Variants in PPARGC1B observed in about 807,000 individuals in gnomAD.
The protein encoded by PPARGC1B is peroxisome proliferator-activated receptor gamma coactivator 1-beta.
A neutral mutation model predicts 101.6 loss-of-function variants in PPARGC1B; 34 were observed. The observed-to-expected ratio is 0.33, with a 90% CI of 0.25 to 0.45. The LOEUF is 0.45. Among genes scored for constraint, PPARGC1B ranks in the 20% least tolerant of loss-of-function variants. The pLI is 1.00. For missense variants in PPARGC1B, 1,234 were observed against 1,317.6 expected (o/e 0.94, Z 0.98); for synonymous variants, 548 against 539.3 (o/e 1.02, Z -0.22).
intron 10 of PPARGC1B, among the ~76,000 whole-genome samples, 186 bp downstream of exon 10, chr5:149,842,563 C>A (rs1389871591): frequency 6.6e-6 from 1 of 152,244 alleles, no homozygotes; most frequent in African/African-American, 2.4e-5. Flanking sequence ...TAGCAGCAAA[C>A]ACGTGCTGAT....
intron 1 of PPARGC1B, among the ~76,000 whole-genome samples, chr5:149,741,784 T>G (rs375638433): frequency 6.6e-6 from 1 of 152,156 alleles, no homozygotes; most frequent in East Asian, 1.9e-4. Context: ...TCTGCCACCA[T>G]GCCTGGCTAA....
At chr5:149,752,416 G>T (rs1449741297) in intron 1 of PPARGC1B, among the ~76,000 whole-genome samples, 1 of 152,222 alleles carries the variant, frequency 6.6e-6, no homozygotes, top group Non-Finnish European at 1.5e-5. Context: ...GGAAGACCCA[G>T]CTGCCTGGCA....
At position 149,837,015 on chromosome 5, in the gene PPARGC1B, T is replaced by A; in HGVS notation, c.2560T>A (p.Ser854Thr). 6.2e-7 allele frequency: 1 copy of A among 1,613,816 alleles called. No individual in the cohort carries two copies. Among genetic ancestry groups the A allele is most frequent in the Non-Finnish European group, 8.5e-7 (1 of 1,180,032 alleles). ...ANRQLCSRSR[S>T]SSGSSPCHSW... ...CCGGCAGCTCTGTTCCCGCAGCCGC[T>A]CAAGCTCTGGCTCTTCACCCTGCCA... Residue 854 changes from serine (S) to threonine (T), a missense_variant, in exon 8 of 12, where the codon TCA (serine) becomes ACA (threonine). By Grantham distance (58) the Ser-to-Thr change is moderately conservative. Around this residue, in one of 3 missense-constraint regions of PPARGC1B, gnomAD observed 497 missense variants for 529.5 expected, o/e 0.94. Transcript: ENST00000309241. This position sits in a 1 kb window ranked among gnomAD's most constrained non-coding sequence, Gnocchi z 4.2.
At chr5:149,788,821 C>G (rs1444901494) in intron 1 of PPARGC1B, among the ~76,000 whole-genome samples, 1 of 152,122 alleles carries the variant, frequency 6.6e-6, no homozygotes, top group Non-Finnish European at 1.5e-5. Flanking sequence ...CAAACTATCG[C>G]AAGGACAGAA....
In PPARGC1B at chr5:149,851,828, G is replaced by C. The variant is rs753648064; in HGVS notation, c.*4270G>C. 1 of 152,240 alleles carries C rather than the reference G, an allele frequency of 6.6e-6. No individual in the cohort carries two copies. The highest frequency in any genetic ancestry group is 2.4e-5 in the African/African-American group (1 of 41,448). 9.4% of individuals were successfully genotyped at this position (152,240 alleles called of 1,614,324 possible). A position where few individuals can be genotyped will look rare whatever the true frequency, so the allele number is the denominator to read the frequency against. ...TTGGCCCAGAACCACCATGGGATGG[G>C]GGAGGCCCTGAGCCGGCTACAAGAC... On this transcript the variant is annotated 3_prime_UTR_variant, in exon 12 of 12. Coordinates refer to ENST00000309241, the MANE Select transcript of PPARGC1B (RefSeq NM_133263.4).
At position 149,850,535 on chromosome 5, in the gene PPARGC1B, C is replaced by T. The variant is rs1343693628; in HGVS notation, c.*2977C>T. The T allele has an allele frequency of 6.6e-6, 1 of 152,186 alleles. No individual in the cohort carries two copies. Among genetic ancestry groups the T allele is most frequent in the Non-Finnish European group, 1.5e-5 (1 of 68,044 alleles). The allele number at this position is 152,186 out of a possible 1,614,324, so 9.4% of individuals were successfully genotyped here. On this transcript the variant is annotated 3_prime_UTR_variant, in exon 12 of 12. Transcript: ENST00000309241. ...CCGACCCTGCAGACAACCTCTATCC[C>T]GAAGGACTCATTCGGTGCTGTGTAT...
chr5:149,843,460 A>G (rs764067308), intron 10 of PPARGC1B, among the ~76,000 whole-genome samples: 10 of 152,228 alleles, frequency 6.6e-5, no homozygotes, highest in African/African-American at 9.6e-5. Flanking sequence ...CTTCTTGCCC[A>G]TTAGGATGGC....
intron 1 of PPARGC1B, among the ~76,000 whole-genome samples, chr5:149,768,997 TATG>T (rs1306318424): frequency 1.3e-5 from 2 of 152,190 alleles, no homozygotes; most frequent in Non-Finnish European, 2.9e-5. Context: ...ATTGATGTAT[TATG>T]ATCTCTGTGC....
In PPARGC1B at chr5:149,833,441, A is replaced by G. The variant is rs201458701; in HGVS notation, c.1368A>G (p.Pro456=). Residue 456 remains proline (P), a synonymous_variant, in exon 5 of 12, where the codon CCA becomes CCG. Coordinates refer to ENST00000309241, the MANE Select transcript of PPARGC1B (RefSeq NM_133263.4). This position sits in a 1 kb window ranked among gnomAD's most constrained non-coding sequence, Gnocchi z 4.1. ...EEEEEWGRKR[P]GRGLPWTKLG... is the part of the protein sequence containing the mutation. ...AGGAGGAGTGGGGCAGGAAAAGGCCAGGCCGAGGCCTGCCATGGACGAAGC... is the reference window on the plus strand; with the variant it reads ...AGGAGGAGTGGGGCAGGAAAAGGCCGGGCCGAGGCCTGCCATGGACGAAGC... 1 of 1,578,892 alleles carries G rather than the reference A, an allele frequency of 6.3e-7. No individual in the cohort carries two copies. The highest frequency in any genetic ancestry group is 2.3e-5 in the East Asian group (1 of 42,600).
At chr5:149,826,144 G>A (rs1036164185) in intron 2 of PPARGC1B, among the ~76,000 whole-genome samples, 8 of 152,180 alleles carry the variant, frequency 5.3e-5, no homozygotes, top group Non-Finnish European at 8.8e-5. Context: ...TACCTCCTCA[G>A]GAGTGAATGA....
rs1250024205 is a variant in PPARGC1B, at chr5:149,852,380, C to G, written c.*4822C>G. Reference sequence around the variant, plus strand: ...ATCCCCAACCAGGAGCATTGGGAATCCATCACTCCTCCTTGAAACTGATTC... The same window carrying G: ...ATCCCCAACCAGGAGCATTGGGAATGCATCACTCCTCCTTGAAACTGATTC... On this transcript the variant is annotated 3_prime_UTR_variant, in exon 12 of 12. Transcript: ENST00000309241. 1 of 152,186 alleles carries G rather than the reference C, an allele frequency of 6.6e-6. No homozygotes were observed. The highest frequency in any genetic ancestry group is 1.5e-5 in the Non-Finnish European group (1 of 68,050). The allele number at this position is 152,186 out of a possible 1,614,324, so 9.4% of individuals were successfully genotyped here.
At chr5:149,799,687 G>GTTTTTTTTTT (rs1561553708) in intron 1 of PPARGC1B, among the ~76,000 whole-genome samples, 9 of 85,440 alleles carry the variant, frequency 1.1e-4, no homozygotes, top group African/African-American at 3.4e-4. Flanking sequence ...TTGTTTGCTT[G>GTTTTTTTTTT]TTGTTGTTTT....
intron 1 of PPARGC1B, among the ~76,000 whole-genome samples, chr5:149,816,523 A>G (rs1758059956): frequency 1.3e-5 from 2 of 152,228 alleles, no homozygotes; most frequent in Non-Finnish European, 2.9e-5. Flanking sequence ...CTGGGGAAAA[A>G]TGTACATAGC....
intron 9 of PPARGC1B, among the ~76,000 whole-genome samples, chr5:149,840,963 T>C (rs1013349011): frequency 6.6e-6 from 1 of 151,916 alleles, no homozygotes; most frequent in Non-Finnish European, 1.5e-5. Flanking sequence ...CTTCTTGGAG[T>C]CTGGGTCTGG....
In PPARGC1B at chr5:149,852,840, G is replaced by A. The variant is rs1759817047; in HGVS notation, c.*5282G>A. 6.6e-6 allele frequency: 1 copy of A among 151,242 alleles called. No individual in the cohort carries two copies. The highest frequency in any genetic ancestry group is 6.6e-5 in the Admixed American group (1 of 15,120). The allele number at this position is 151,242 out of a possible 1,614,324, so 9.4% of individuals were successfully genotyped here. ...ATGTTTAGGGCAGCTTTTGTTTTTT[G>A]TTTCTTTAATGGTATAGCAGCAGTG... On this transcript the variant is annotated 3_prime_UTR_variant, in exon 12 of 12. Transcript: ENST00000309241.
intron 1 of PPARGC1B, among the ~76,000 whole-genome samples, chr5:149,808,103 C>T (rs1757668908): frequency 1.3e-5 from 2 of 152,050 alleles, no homozygotes; most frequent in African/African-American, 4.8e-5. Flanking sequence ...CTACAGGAAC[C>T]GAGGCAAGAG....
At chr5:149,795,200 A>G (rs1757164450) in intron 1 of PPARGC1B, among the ~76,000 whole-genome samples, 1 of 152,238 alleles carries the variant, frequency 6.6e-6, no homozygotes, top group South Asian at 2.1e-4. Flanking sequence ...CATAGAAATT[A>G]CATGTCATAG....
At chr5:149,811,012 G>A in intron 1 of PPARGC1B, among the ~76,000 whole-genome samples, 1 of 152,224 alleles carries the variant, frequency 6.6e-6, no homozygotes, top group Admixed American at 6.5e-5. Flanking sequence ...CGGCTGGGAG[G>A]TGCAGGGAGG....
intron 1 of PPARGC1B, among the ~76,000 whole-genome samples, chr5:149,786,781 G>A (rs975554934): frequency 1.3e-5 from 2 of 152,154 alleles, no homozygotes; most frequent in African/African-American, 2.4e-5. Context: ...AGGAAATGTG[G>A]GTAAAATGAG....
Sources: gnomAD v4.1 joint callset for allele counts (sites outside exome capture counted in the v4.1 genomes callset) on GRCh38, gnomAD v4.1.1 for gene constraint, gnomAD v4.1.1 regional missense constraint, Gnocchi (gnomAD v3.1) non-coding constraint, MANE v1.5 for transcripts, NCBI Gene and HGNC (gene_info 2026-07-23, HGNC 2026-07-21) for gene names.